Variants in TNS1 observed in about 807,000 individuals in gnomAD.
The protein encoded by TNS1 is tensin-1.
In TNS1, 62 loss-of-function variants were observed where a neutral mutation model predicts 168.6. That is an observed-to-expected ratio of 0.37 (90% CI 0.30 to 0.45). The LOEUF is 0.45. TNS1 is among the 20% of genes least tolerant of loss of function. The probability of loss-of-function intolerance (pLI) is 1.00; values close to 1 mark genes in which losing one functional copy is unlikely to be tolerated. For synonymous variants in TNS1, 934 were observed against 933.2 expected, an observed-to-expected ratio of 1.00 and a Z score of -0.02; for missense variants, 2,240 against 2,339.4, an observed-to-expected ratio of 0.96 and a Z score of 0.88.
rs1472123560 is a variant in TNS1, at chr2:217,813,767, G to A, written c.4779C>T (p.Asp1593=). 6.2e-6 allele frequency: 10 copies of A among 1,613,896 alleles called. No individual in the cohort carries two copies. The highest frequency in any genetic ancestry group is 4.0e-5 in the African/African-American group (3 of 74,932). Residue 1593 remains aspartate, a synonymous_variant, in exon 26 of 33, where the codon GAC becomes GAT. Transcript: ENST00000682258. This position sits in a 1 kb window ranked among gnomAD's most constrained non-coding sequence, Gnocchi z 4.0. ...CGTACGCGCCTCGGAAGGAGTGACT[G>A]TCGCGGATGATGAAGGCCCCCGGCT... ...DQEPGAFIIR[D]SHSFRGAYGL...
At chr2:217,937,888 A>G (rs539453689) in intron 3 of TNS1, among the ~76,000 whole-genome samples, 1 of 152,182 alleles carries the variant, frequency 6.6e-6, no homozygotes, top group African/African-American at 2.4e-5. Context: ...CTTCCCCTGA[A>G]GCCCTCTTCC....
At chr2:217,955,486 T>C (rs1382815618) in intron 3 of TNS1, among the ~76,000 whole-genome samples, 3 of 150,320 alleles carry the variant, frequency 2.0e-5, no homozygotes, top group Non-Finnish European at 4.4e-5. Context: ...TCCTGAGAAG[T>C]GGGCCCAAAC....
At chr2:217,900,895 C>A (rs1285936870) in intron 6 of TNS1, among the ~76,000 whole-genome samples, 2 of 152,206 alleles carry the variant, frequency 1.3e-5, no homozygotes, top group Non-Finnish European at 2.9e-5. Flanking sequence ...CGACTGCCAC[C>A]ACAAAAGGAG....
chr2:217,991,152 G>GA, intron 1 of TNS1, 96 bp from the exon 2 acceptor site: 1 of 481,604 alleles, frequency 2.1e-6, no homozygotes, highest in South Asian at 3.7e-5. Flanking sequence ...CAGGGACAGG[G>GA]AAAAGGATGG....
Position 217,847,983 on chromosome 2 carries a change from T to C in TNS1, c.2534A>G (p.Glu845Gly). ...TAGTGGGGCAGCAGCGGAGGCTGGC[T>C]CCAGGTCCAGCATCAGCATATTGAG... ...ETLNMLMLDL[E>G]PASAAAPLHK... The change falls in exon 19 of 33, where the codon GAG becomes GGG. Residue 845 changes from glutamate (E) to glycine (G), a missense_variant. Coordinates refer to ENST00000682258, the MANE Select transcript of TNS1 (RefSeq NM_001387777.1). The C allele has an allele frequency of 1.3e-6, 2 of 1,511,822 alleles. No homozygotes were observed. Among genetic ancestry groups the C allele is most frequent in the Non-Finnish European group, 1.8e-6 (2 of 1,127,568 alleles). The allele number at this position is 1,511,822 out of a possible 1,614,324, so 93.7% of individuals were successfully genotyped here.
At chr2:217,888,231 G>A (rs1011764659) in intron 12 of TNS1, among the ~76,000 whole-genome samples, 4 of 152,198 alleles carry the variant, frequency 2.6e-5, no homozygotes, top group East Asian at 1.9e-4. Flanking sequence ...CAATGAGTCC[G>A]GAGGCGGGTG....
In TNS1 at chr2:217,818,052, T is replaced by C. The variant is rs114082928; in HGVS notation, c.4280A>G (p.Tyr1427Cys). Residue 1427 changes from tyrosine to cysteine, a missense_variant, in exon 24 of 33, where the codon TAT (tyrosine) becomes TGT (cysteine). Coordinates refer to ENST00000682258, the MANE Select transcript of TNS1 (RefSeq NM_001387777.1). ...ATCCTCCGGGGTAGAATAGCCACCA[T>C]AGGCCACATGCCGGTCCAAGCAGGG... ...GSPCLDRHVA[Y>C]GGYSTPEDRR... The C allele has an allele frequency of 1.6e-4, 252 of 1,608,942 alleles. 4 individuals carry two copies. The African/African-American group carries it at 2.8e-3, about 18-fold the overall frequency.
At chr2:218,031,592 C>G (rs1392798907) in intron 1 of TNS1, among the ~76,000 whole-genome samples, 1 of 152,032 alleles carries the variant, frequency 6.6e-6, no homozygotes, top group Admixed American at 6.6e-5. Flanking sequence ...TTCTCCCTAG[C>G]AAGAGCACCC....
intron 3 of TNS1, among the ~76,000 whole-genome samples, chr2:217,946,969 T>TCACACACACACA (rs372012573): frequency 5.0e-4 from 59 of 118,850 alleles, no homozygotes; most frequent in African/African-American, 1.5e-3. Context: ...TCTCTCTCTC[T>TCACACACACACA]CACACACACA....
At position 217,848,306 on chromosome 2, in the gene TNS1, G is replaced by A; in HGVS notation, c.2211C>T (p.Asp737=). ...QPVTTSHYAH[D]PSGMFRSQSF... ...ATTGAGAGCGGAACATACCGCTGGG[G>A]TCATGGGCATAGTGGGAGGTGGTCA... The change falls in exon 19 of 33, where the codon GAC becomes GAT. Residue 737 remains aspartate (D), a synonymous_variant. Transcript: ENST00000682258. 6.5e-7 allele frequency: 1 copy of A among 1,539,748 alleles called. No individual in the cohort carries two copies. The highest frequency in any genetic ancestry group is 1.3e-5 in the South Asian group (1 of 78,746).
intron 20 of TNS1, 42 bp from the exon 21 acceptor site, chr2:217,835,208 A>C: frequency 6.4e-7 from 1 of 1,574,294 alleles, no homozygotes; most frequent in Non-Finnish European, 8.7e-7. Flanking sequence ...AAACCATGAG[A>C]AGGAGAGATT....
chr2:217,809,703 G>A (rs1940458773), intron 30 of TNS1, 120 bp downstream of exon 30: 1 of 1,045,818 alleles, frequency 9.6e-7, no homozygotes, highest in Middle Eastern at 2.4e-4. Context: ...AGATGGATGA[G>A]AAGGTAGATG....
intron 7 of TNS1, among the ~76,000 whole-genome samples, chr2:217,898,469 G>A (rs1373603512): frequency 3.3e-5 from 5 of 152,232 alleles, no homozygotes; most frequent in African/African-American, 1.2e-4. Context: ...CTCGAGCTGT[G>A]GAGTGGGCGG....
chr2:217,863,904 T>G (rs570591991), intron 18 of TNS1, among the ~76,000 whole-genome samples: 2 of 152,230 alleles, frequency 1.3e-5, no homozygotes, highest in Non-Finnish European at 2.9e-5. Context: ...AAACATGTCC[T>G]TAGACCTCCC....
intron 12 of TNS1, among the ~76,000 whole-genome samples, chr2:217,889,869 T>C (rs1951570794): frequency 6.6e-6 from 1 of 152,150 alleles, no homozygotes; most frequent in South Asian, 2.1e-4. Context: ...CAGTTTGGGC[T>C]TGGGTTTCCC....
At chr2:217,830,031 G>T (rs1944188943) in intron 22 of TNS1, 2 of 1,467,958 alleles carry the variant, frequency 1.4e-6, no homozygotes, top group Admixed American at 4.8e-5. Flanking sequence ...AGAAAACGGA[G>T]ATGGGAAAGC....
In TNS1 at chr2:218,002,885, C is replaced by T. The variant is rs1273156881; in HGVS notation, c.-13G>A. On this transcript the variant is annotated 5_prime_UTR_variant, in exon 1 of 33. Coordinates refer to ENST00000682258, the MANE Select transcript of TNS1 (RefSeq NM_001387777.1). Reference sequence around the variant, plus strand: ...AGATCCACGTCATCTTTGCTGGGTCCCGTCACTGAGGCACGCCCAGGGCCT... The same window carrying T: ...AGATCCACGTCATCTTTGCTGGGTCTCGTCACTGAGGCACGCCCAGGGCCT... 4 of 456,840 alleles carry T rather than the reference C, an allele frequency of 8.8e-6. No homozygotes were observed. Among genetic ancestry groups the T allele is most frequent in the East Asian group, 7.0e-5 (1 of 14,372 alleles). 28.3% of individuals were successfully genotyped at this position (456,840 alleles called of 1,614,324 possible).
intron 22 of TNS1, chr2:217,830,389 A>G: frequency 6.2e-7 from 1 of 1,614,146 alleles, no homozygotes; most frequent in Non-Finnish European, 8.5e-7. Flanking sequence ...GTCTTCTGGT[A>G]ACTAAGGAAA....
chr2:217,891,316 G>A (rs537723008), intron 11 of TNS1, among the ~76,000 whole-genome samples: 2 of 152,280 alleles, frequency 1.3e-5, no homozygotes, highest in Non-Finnish European at 2.9e-5. Context: ...TACCACTTAT[G>A]AGCCCCGTGT....
Sources: allele counts gnomAD v4.1 joint callset (sites outside exome capture counted in the v4.1 genomes callset), GRCh38; gene constraint gnomAD v4.1.1; non-coding constraint Gnocchi (gnomAD v3.1); transcripts MANE v1.5; gene names NCBI Gene and HGNC (gene_info 2026-07-23, HGNC 2026-07-21).